Variants in ILRUN observed in about 807,000 individuals in gnomAD.
The protein encoded by ILRUN is inflammation and lipid regulator with UBA-like and NBR1-like domains.
A neutral mutation model predicts 33.8 loss-of-function variants in ILRUN; 3 were observed. The ratio of observed to expected loss-of-function variants is 0.09; its 90% CI spans 0.04 to 0.23. The LOEUF (loss-of-function observed/expected upper bound fraction) is 0.23. Among genes scored for constraint, ILRUN ranks in the 10% least tolerant of loss-of-function variants. The pLI is 1.00. For missense variants in ILRUN, 210 were observed against 375.1 expected (o/e 0.56, Z 3.64); for synonymous variants, 124 against 138.9 (o/e 0.89, Z 0.75).
Position 34,646,879 on chromosome 6 carries a change from G to T in ILRUN, c.314-81C>A, listed in dbSNP as rs1343734631. The T allele has an allele frequency of 7.6e-7, 1 of 1,314,174 alleles. No individual in the cohort carries two copies. The highest frequency in any genetic ancestry group is 1.5e-5 in the African/African-American group (1 of 68,686). The allele number at this position is 1,314,174 out of a possible 1,614,324, so 81.4% of individuals were successfully genotyped here. ...CAGTTTATTATGAAACTGTAGAAGA[G>T]GCCTCTTTCTTTTTCTCACATACAT... On this transcript the variant is annotated intron_variant, in intron 2 of 4. Coordinates refer to ENST00000374023, the MANE Select transcript of ILRUN (RefSeq NM_024294.4). This position sits in a 1 kb window ranked among gnomAD's most constrained non-coding sequence, Gnocchi z 4.9.
chr6:34,676,908 A>G (rs565650222), intron 1 of ILRUN, among the ~76,000 whole-genome samples: 1 of 152,064 alleles, frequency 6.6e-6, no homozygotes, highest in East Asian at 1.9e-4. Context: ...GGCAATGTTT[A>G]TCAAGAACCT....
intron 1 of ILRUN, among the ~76,000 whole-genome samples, chr6:34,689,705 G>C (rs1763607739): frequency 1.3e-5 from 2 of 151,906 alleles, no homozygotes; most frequent in South Asian, 4.2e-4. Flanking sequence ...GATCAGGTAA[G>C]AGGTACAACT....
At chr6:34,614,443 A>AAT (rs61423893) in intron 3 of ILRUN, among the ~76,000 whole-genome samples, 8,348 of 133,530 alleles carry the variant, frequency 0.063, 526 homozygotes, top group East Asian at 0.23. Flanking sequence ...AAAAAAAAAA[A>AAT]ATATATATAT....
chr6:34,683,197 T>C (rs1763411147), intron 1 of ILRUN, among the ~76,000 whole-genome samples: 1 of 151,350 alleles, frequency 6.6e-6, no homozygotes. Context: ...TATGTGTATA[T>C]ATATGTATAT....
chr6:34,650,024 G>A (rs1194655299), intron 2 of ILRUN, among the ~76,000 whole-genome samples: 1 of 152,158 alleles, frequency 6.6e-6, no homozygotes, highest in Non-Finnish European at 1.5e-5. Flanking sequence ...AGACGACTCT[G>A]TATCAATATG....
At chr6:34,640,603 G>T (rs189244110) in intron 3 of ILRUN, among the ~76,000 whole-genome samples, 48 of 152,152 alleles carry the variant, frequency 3.2e-4, no homozygotes, top group African/African-American at 1.1e-3. Context: ...CCAGCTATTT[G>T]GGAGGCTGAG....
intron 4 of ILRUN, among the ~76,000 whole-genome samples, chr6:34,596,361 G>A (rs942571301): frequency 3.3e-5 from 5 of 152,148 alleles, no homozygotes; most frequent in Non-Finnish European, 7.4e-5. Context: ...GGGTTCAAGC[G>A]ATTCTCCTGC....
At chr6:34,618,304 CCT>C (rs937039433) in intron 3 of ILRUN, among the ~76,000 whole-genome samples, 2 of 152,076 alleles carry the variant, frequency 1.3e-5, no homozygotes, top group African/African-American at 4.8e-5. Flanking sequence ...TCCTAATGAC[CCT>C]CTCTTTGTGT....
At chr6:34,605,318 C>CA (rs78612898) in intron 4 of ILRUN, among the ~76,000 whole-genome samples, 2,374 of 74,114 alleles carry the variant, frequency 0.032, 30 homozygotes, top group East Asian at 0.045. Context: ...AAAACAAAAA[C>CA]AAAAAAAAAA....
At chr6:34,670,097 G>A (rs1763085526) in intron 1 of ILRUN, among the ~76,000 whole-genome samples, 1 of 152,038 alleles carries the variant, frequency 6.6e-6, no homozygotes, top group African/African-American at 2.4e-5. Flanking sequence ...ATTTTTAGTA[G>A]AGACAGGGTT....
At chr6:34,693,769 C>T (rs1426305364) in intron 1 of ILRUN, among the ~76,000 whole-genome samples, 1 of 151,572 alleles carries the variant, frequency 6.6e-6, no homozygotes, top group Non-Finnish European at 1.5e-5. Flanking sequence ...TGGGTTCACG[C>T]CATTCTCCTG....
At chr6:34,683,845 TTGAGCTC>T (rs948342835) in intron 1 of ILRUN, among the ~76,000 whole-genome samples, 2 of 152,092 alleles carry the variant, frequency 1.3e-5, no homozygotes, top group African/African-American at 4.8e-5. Context: ...GGCAGACAGC[TTGAGCTC>T]TGGAGTTTGA....
intron 1 of ILRUN, among the ~76,000 whole-genome samples, chr6:34,691,678 C>T (rs2127391649): frequency 6.6e-6 from 1 of 152,188 alleles, no homozygotes; most frequent in South Asian, 2.1e-4. Context: ...CGCCCACAGT[C>T]CCAGCTACTC....
chr6:34,639,901 T>A (rs1762434996), intron 3 of ILRUN, among the ~76,000 whole-genome samples: 1 of 152,130 alleles, frequency 6.6e-6, no homozygotes, highest in Non-Finnish European at 1.5e-5. Flanking sequence ...TTTCGCAAGG[T>A]AACATATGCA....
At chr6:34,635,675 C>T (rs997008043) in intron 3 of ILRUN, among the ~76,000 whole-genome samples, 3 of 142,916 alleles carry the variant, frequency 2.1e-5, no homozygotes, top group Non-Finnish European at 3.0e-5. Flanking sequence ...AATGCAATGG[C>T]GCGATTTCGC....
intron 1 of ILRUN, among the ~76,000 whole-genome samples, chr6:34,689,257 C>A (rs1354760907): frequency 1.3e-5 from 2 of 150,392 alleles, no homozygotes; most frequent in Non-Finnish European, 3.0e-5. Context: ...TCACTTGAGC[C>A]TCAGAGTTCA....
At chr6:34,662,305 CAAAA>C (rs528133769) in intron 1 of ILRUN, among the ~76,000 whole-genome samples, 1 of 75,182 alleles carries the variant, frequency 1.3e-5, no homozygotes, top group Non-Finnish European at 2.7e-5. Flanking sequence ...GACTCCGTCT[CAAAA>C]AAAAAAAAAA....
intron 4 of ILRUN, among the ~76,000 whole-genome samples, chr6:34,603,229 T>A (rs1427811280): frequency 6.6e-6 from 1 of 152,176 alleles, no homozygotes; most frequent in African/African-American, 2.4e-5. Flanking sequence ...AGATGGCAAC[T>A]GAGCCGGGCA....
intron 1 of ILRUN, among the ~76,000 whole-genome samples, chr6:34,660,740 T>C (rs766455018): frequency 6.6e-6 from 1 of 152,056 alleles, no homozygotes; most frequent in Admixed American, 6.5e-5. Flanking sequence ...GTGAGAGGAA[T>C]CTAACATGGA....
Sources: allele counts gnomAD v4.1 joint callset (sites outside exome capture counted in the v4.1 genomes callset), GRCh38; gene constraint gnomAD v4.1.1; non-coding constraint Gnocchi (gnomAD v3.1); transcripts MANE v1.5; gene names NCBI Gene and HGNC (gene_info 2026-07-23, HGNC 2026-07-21).